The following DLG2 variants were observed in gnomAD, a reference collection of about 807,000 sequenced individuals.
DLG2 encodes the protein discs large MAGUK scaffold protein 2.
Under a neutral mutation model 132.5 loss-of-function variants are expected in DLG2, and 45 were observed. That is an observed-to-expected ratio of 0.34 (90% CI 0.27 to 0.44). DLG2 has a LOEUF of 0.44. Ranked by LOEUF, DLG2 falls within the 20% of genes least tolerant of loss-of-function variation. The pLI is 1.00. For missense variants in DLG2, 1,045 were observed against 1,196.9 expected (o/e 0.87, Z 1.87); for synonymous variants, 424 against 419.6 (o/e 1.01, Z -0.13).
rs558475045 is a variant in DLG2 at position 84,543,863 on chromosome 11, T to C, written c.358-9132A>G. ...AAAGGAAATACTTTCCTGCTTTTTTTCCACAAAGAACAGGACAAGCCAGGA... is the reference window on the plus strand; with the variant it reads ...AAAGGAAATACTTTCCTGCTTTTTTCCCACAAAGAACAGGACAAGCCAGGA... On this transcript the variant is annotated intron_variant, in intron 6 of 27. Coordinates refer to ENST00000376104, the MANE Select transcript of DLG2 (RefSeq NM_001142699.3). Among the ~76,000 whole-genome samples the C allele has an allele frequency of 2.4e-3, 372 of 152,238 alleles. 6 individuals carry two copies. Among genetic ancestry groups the C allele is most frequent in the Non-Finnish European group, 1.8e-4 (12 of 68,018 alleles).
intron 15 of DLG2, among the ~76,000 whole-genome samples, chr11:83,903,634 G>T (rs2074031181): frequency 1.3e-5 from 2 of 152,038 alleles, no homozygotes; most frequent in South Asian, 4.1e-4. Flanking sequence ...AGGCAAATTG[G>T]CAGCATCAAG....
intron 25 of DLG2, among the ~76,000 whole-genome samples, chr11:83,467,057 C>T (rs2091163690): frequency 6.6e-6 from 1 of 152,168 alleles, no homozygotes; most frequent in African/African-American, 2.4e-5. Flanking sequence ...GGACATTTTA[C>T]ATATGTTCTC....
At chr11:84,398,021 G>T (rs1253161027) in intron 7 of DLG2, among the ~76,000 whole-genome samples, 1 of 152,156 alleles carries the variant, frequency 6.6e-6, no homozygotes, top group Admixed American at 6.5e-5. Context: ...TATAATAGTG[G>T]ATTCTGTCTA....
intron 7 of DLG2, among the ~76,000 whole-genome samples, chr11:84,407,711 T>C (rs920419292): frequency 1.3e-5 from 2 of 152,226 alleles, no homozygotes; most frequent in Non-Finnish European, 2.9e-5. Context: ...TTTGCAGTGC[T>C]AGTGTAACAC....
At chr11:85,037,077 T>C (rs1246552353) in intron 6 of DLG2, among the ~76,000 whole-genome samples, 1 of 152,196 alleles carries the variant, frequency 6.6e-6, no homozygotes, top group African/African-American at 2.4e-5. Context: ...CTGAAGGCTG[T>C]TGGCATCACT....
chr11:84,795,916 C>A (rs1349826632), intron 6 of DLG2, among the ~76,000 whole-genome samples: 2 of 152,172 alleles, frequency 1.3e-5, no homozygotes, highest in East Asian at 3.9e-4. Flanking sequence ...CTGGAGCTGC[C>A]CTCCCCACCA....
intron 3 of DLG2, 103 bp downstream of exon 3, chr11:85,598,554 C>T: frequency 2.8e-6 from 2 of 723,644 alleles, no homozygotes; most frequent in Non-Finnish European, 2.0e-6. Context: ...GAAAATTATC[C>T]CAGTTTGAAA....
At chr11:84,853,773 G>C (rs1040874116) in intron 6 of DLG2, among the ~76,000 whole-genome samples, 2 of 151,982 alleles carry the variant, frequency 1.3e-5, no homozygotes, top group African/African-American at 4.8e-5. Context: ...TCTTTGTTCA[G>C]AAATTGAATC....
chr11:84,217,920 C>G (rs914042198), intron 8 of DLG2, among the ~76,000 whole-genome samples: 1 of 152,108 alleles, frequency 6.6e-6, no homozygotes, highest in African/African-American at 2.4e-5. Context: ...GTAATCCCAG[C>G]ACTTTAGGAG....
At chr11:84,269,648 T>A (rs1422675021) in intron 7 of DLG2, among the ~76,000 whole-genome samples, 1 of 152,224 alleles carries the variant, frequency 6.6e-6, no homozygotes, top group Non-Finnish European at 1.5e-5. Context: ...ATAAGCCGCA[T>A]AACCTTCACA....
At chr11:85,593,901 T>C (rs1047458006) in intron 3 of DLG2, among the ~76,000 whole-genome samples, 1 of 152,164 alleles carries the variant, frequency 6.6e-6, no homozygotes, top group Admixed American at 6.5e-5. Flanking sequence ...ATGTCTCTTT[T>C]CCCCTACTTG....
intron 4 of DLG2, among the ~76,000 whole-genome samples, chr11:85,268,063 T>G (rs2077322407): frequency 6.6e-6 from 1 of 152,210 alleles, no homozygotes; most frequent in African/African-American, 2.4e-5. Context: ...GCACTTTATT[T>G]GTATTATTTT....
intron 21 of DLG2, among the ~76,000 whole-genome samples, chr11:83,513,605 T>A (rs1043842155): frequency 6.6e-6 from 1 of 152,232 alleles, no homozygotes; most frequent in Non-Finnish European, 1.5e-5. Context: ...TCCTTGCCCA[T>A]GCCTATGTCC....
intron 18 of DLG2, among the ~76,000 whole-genome samples, chr11:83,680,668 G>A (rs553036360): frequency 5.3e-5 from 8 of 152,072 alleles, no homozygotes; most frequent in African/African-American, 1.9e-4. Flanking sequence ...TCAGAGAAAC[G>A]GAAAATATGG....
At chr11:83,994,762 A>G (rs551594385) in intron 11 of DLG2, among the ~76,000 whole-genome samples, 3 of 152,160 alleles carry the variant, frequency 2.0e-5, no homozygotes, top group Non-Finnish European at 4.4e-5. Flanking sequence ...GAAATTTACT[A>G]TCTCAAAGTT....
chr11:84,936,972 G>A (rs1181019930), intron 6 of DLG2, among the ~76,000 whole-genome samples: 1 of 152,126 alleles, frequency 6.6e-6, no homozygotes, highest in Non-Finnish European at 1.5e-5. Flanking sequence ...GGCCAACATG[G>A]TAAAACCACG....
chr11:84,859,473 C>T (rs34391330), intron 6 of DLG2, among the ~76,000 whole-genome samples: 2 of 143,836 alleles, frequency 1.4e-5, no homozygotes, highest in African/African-American at 2.6e-5. Context: ...TATATATCCT[C>T]CTATTGGGTT....
chr11:84,898,465 T>C (rs902006704), intron 6 of DLG2, among the ~76,000 whole-genome samples: 4 of 152,038 alleles, frequency 2.6e-5, no homozygotes, highest in African/African-American at 4.8e-5. Context: ...ATCTTCATCA[T>C]ACAATTTCAT....
intron 3 of DLG2, among the ~76,000 whole-genome samples, chr11:85,395,980 C>G (rs578022416): frequency 6.6e-6 from 1 of 152,194 alleles, no homozygotes; most frequent in Non-Finnish European, 1.5e-5. Flanking sequence ...TCCCTGACCC[C>G]TGTGTAGCCT....
Sources: allele counts gnomAD v4.1 joint callset (sites outside exome capture counted in the v4.1 genomes callset), GRCh38; gene constraint gnomAD v4.1.1; transcripts MANE v1.5; gene names NCBI Gene and HGNC (gene_info 2026-07-23, HGNC 2026-07-21).